The following PATJ variants were observed in gnomAD, a reference collection of about 807,000 sequenced individuals.
PATJ encodes PATJ crumbs cell polarity complex component, also known as inaD-like protein.
A neutral mutation model predicts 224.9 loss-of-function variants in PATJ; 190 were observed. That is an observed-to-expected ratio of 0.84 (90% confidence interval 0.75 to 0.95). The LOEUF (loss-of-function observed/expected upper bound fraction) is 0.95, where lower values mean the gene tolerates loss of function less well. PATJ is among the 40% of genes least tolerant of loss of function. The probability of loss-of-function intolerance (pLI) is 0.00; values close to 1 mark genes in which losing one functional copy is unlikely to be tolerated. For synonymous variants in PATJ, 769 were observed against 820.3 expected (o/e 0.94, Z 1.07); for missense variants, 2,121 against 2,270.3 (o/e 0.93, Z 1.34).
intron 17 of PATJ, among the ~76,000 whole-genome samples, chr1:61,844,140 G>A (rs1213764162): frequency 2.0e-5 from 3 of 152,144 alleles, no homozygotes; most frequent in African/African-American, 7.2e-5. Flanking sequence ...TATAATTTTA[G>A]CAATGGTGAA....
chr1:62,087,624 G>A (rs1303158043), intron 33 of PATJ, among the ~76,000 whole-genome samples: 2 of 151,648 alleles, frequency 1.3e-5, no homozygotes, highest in African/African-American at 2.4e-5. Flanking sequence ...GCTGGTCATG[G>A]TCCTTCCCTT....
At chr1:62,065,492 A>G (rs1313801333) in intron 31 of PATJ, among the ~76,000 whole-genome samples, 1 of 152,164 alleles carries the variant, frequency 6.6e-6, no homozygotes, top group Non-Finnish European at 1.5e-5. Context: ...CTTGCCTGTA[A>G]TTCCAGCTAC....
At chr1:61,933,119 GA>G (rs1676273157) in intron 27 of PATJ, among the ~76,000 whole-genome samples, 1 of 152,088 alleles carries the variant, frequency 6.6e-6, no homozygotes, top group African/African-American at 2.4e-5. Flanking sequence ...TGAGAATTAT[GA>G]AAAAATTAAG....
chr1:62,107,133 C>T (rs1357734761), intron 33 of PATJ, among the ~76,000 whole-genome samples: 1 of 151,922 alleles, frequency 6.6e-6, no homozygotes, highest in African/African-American at 2.4e-5. Context: ...GGTGAAACCC[C>T]GTCTCTACTA....
At chr1:61,902,946 CGAGGT>C (rs1671392714) in intron 24 of PATJ, among the ~76,000 whole-genome samples, 1 of 152,006 alleles carries the variant, frequency 6.6e-6, no homozygotes, top group Admixed American at 6.6e-5. Context: ...GCAAAAGCTC[CGAGGT>C]AGGAGCTTGC....
intron 30 of PATJ, among the ~76,000 whole-genome samples, chr1:62,044,315 G>A (rs1460913945): frequency 6.6e-6 from 1 of 152,136 alleles, no homozygotes. Context: ...GCTTCTATGA[G>A]TTCAACTTTT....
In PATJ at chr1:62,018,370, G is replaced by A. The variant is rs186364522; in HGVS notation, c.3959+423G>A. ...AGCTTCCTTTTAAGAGTGCTGGTGA[G>A]AAGCTCAGAGTAGAGAAGATGTTCA... On this transcript the variant is annotated intron_variant, in intron 29 of 43. Coordinates refer to ENST00000642238, the MANE Select transcript of PATJ (RefSeq NM_001350145.3). The surrounding 1 kb of genome is among the most constrained non-coding windows in gnomAD (Gnocchi z 4.2). Among the ~76,000 whole-genome samples the A allele has an allele frequency of 6.6e-6, 1 of 152,338 alleles. No individual in the cohort carries two copies. The highest frequency in any genetic ancestry group is 1.5e-5 in the Non-Finnish European group (1 of 68,038).
chr1:62,139,571 C>G (rs1209546761), intron 41 of PATJ, among the ~76,000 whole-genome samples: 1 of 152,020 alleles, frequency 6.6e-6, no homozygotes, highest in Non-Finnish European at 1.5e-5. Flanking sequence ...CAGACCATAT[C>G]TCAGAGTTGA....
intron 41 of PATJ, among the ~76,000 whole-genome samples, chr1:62,144,789 T>TATATATATATATATATATATATATATAG: frequency 6.9e-6 from 1 of 145,170 alleles, no homozygotes; most frequent in Admixed American, 7.0e-5. Flanking sequence ...TATATATATA[T>TATATATATATATATATATATATATATAG]ATATATAATT....
At chr1:62,001,859 T>C (rs930109031) in intron 28 of PATJ, among the ~76,000 whole-genome samples, 3 of 152,164 alleles carry the variant, frequency 2.0e-5, no homozygotes, top group Non-Finnish European at 4.4e-5. Context: ...TTTTATTTCA[T>C]TGAGCAGTGG....
At chr1:61,835,234 A>C (rs1196093310) in intron 17 of PATJ, among the ~76,000 whole-genome samples, 1 of 152,210 alleles carries the variant, frequency 6.6e-6, no homozygotes, top group Non-Finnish European at 1.5e-5. Context: ...TTGCAAGTTT[A>C]TATATTGGTT....
rs144493024 is a variant in PATJ, at chr1:61,976,033, C to T, written c.3671-14135C>T. Among the ~76,000 whole-genome samples the T allele has an allele frequency of 1.3e-4, 20 of 152,118 alleles. 1 individual carries two copies. Among genetic ancestry groups the T allele is most frequent in the African/African-American group, 4.8e-4 (20 of 41,408 alleles). ...TACTTTTATAGTCATGCTTGGTCTTCCTGTCTCTTTGTCCCCTCTTCAAGT... is the reference window on the plus strand; with the variant it reads ...TACTTTTATAGTCATGCTTGGTCTTTCTGTCTCTTTGTCCCCTCTTCAAGT... On this transcript the variant is annotated intron_variant, in intron 27 of 43. Transcript: ENST00000642238.
chr1:61,778,457 A>C (rs1345667708), intron 7 of PATJ, among the ~76,000 whole-genome samples: 1 of 152,210 alleles, frequency 6.6e-6, no homozygotes, highest in Admixed American at 6.5e-5. Flanking sequence ...TCTACATTGT[A>C]ACTGTATAAG....
intron 27 of PATJ, among the ~76,000 whole-genome samples, chr1:61,981,129 C>G (rs766629335): frequency 6.6e-6 from 1 of 151,942 alleles, no homozygotes; most frequent in Non-Finnish European, 1.5e-5. Flanking sequence ...AGATAGTGTC[C>G]ATGTTAGATT....
At chr1:61,858,807 T>C (rs1353126723) in intron 18 of PATJ, among the ~76,000 whole-genome samples, 2 of 152,200 alleles carry the variant, frequency 1.3e-5, no homozygotes, top group Non-Finnish European at 2.9e-5. Flanking sequence ...GACCAAAAGG[T>C]GGTCTTCATG....
In PATJ at chr1:61,822,952, C is replaced by T; in HGVS notation, c.1691C>T (p.Pro564Leu). Residue 564 changes from proline to leucine, a missense_variant, in exon 15 of 44, where the codon CCT becomes CTT. By Grantham distance (98) the Pro-to-Leu change is moderately conservative. Transcript: ENST00000642238. ...AELQKYSKLL[P>L]IHTLRLGVEV... The stretch of plus-strand genomic sequence containing the variant: ...CTTTGTGTTTTGCTACAGCTGCTGC[C>T]TATTCACACTCTGAGGCTTGGTGTG... 1 of 1,614,042 alleles carries T rather than the reference C, an allele frequency of 6.2e-7. No individual in the cohort carries two copies. The highest frequency in any genetic ancestry group is 1.6e-4 in the Middle Eastern group (1 of 6,062).
At chr1:61,861,948 G>A (rs999074905) in intron 19 of PATJ, among the ~76,000 whole-genome samples, 2 of 152,004 alleles carry the variant, frequency 1.3e-5, no homozygotes, top group African/African-American at 4.8e-5. Context: ...TGTAATCTCT[G>A]CCTCCCAGGT....
In PATJ at chr1:62,128,857, T is replaced by C. The variant is rs1665988806; in HGVS notation, c.5183T>C (p.Val1728Ala). ...TQKLKVGDRI[V>A]SINGQPLDGL... ...TACTTCCAGGTTGGAGATCGGATTG[T>C]CAGCATTAACGGGCAACCTTTGGAT... is the stretch of plus-strand genomic sequence containing the variant. The change falls in exon 41 of 44, where the codon GTC (valine) becomes GCC (alanine). Residue 1728 changes from valine (V) to alanine (A), a missense_variant. Coordinates refer to ENST00000642238, the MANE Select transcript of PATJ (RefSeq NM_001350145.3). 6.2e-7 allele frequency: 1 copy of C among 1,611,466 alleles called. No homozygotes were observed.
At position 62,118,779 on chromosome 1, in the gene PATJ, G is replaced by A. The variant is rs902880789; in HGVS notation, c.4890+1561G>A. On this transcript the variant is annotated intron_variant, in intron 37 of 43. Transcript: ENST00000642238. ...CGAGTAGCTGGGACTACAGGTGCCC[G>A]CCACCACATCCGGCTAATTTTTGTA... Among the ~76,000 whole-genome samples the A allele has an allele frequency of 5.1e-4, 78 of 151,938 alleles. 2 individuals are homozygous for A. Among genetic ancestry groups the A allele is most frequent in the Non-Finnish European group, 4.4e-5 (3 of 67,994 alleles).
Sources: gnomAD v4.1 joint callset for allele counts (sites outside exome capture counted in the v4.1 genomes callset) on GRCh38, gnomAD v4.1.1 for gene constraint, Gnocchi (gnomAD v3.1) non-coding constraint, MANE v1.5 for transcripts, NCBI Gene and HGNC (gene_info 2026-07-23, HGNC 2026-07-21) for gene names.